The following NNMT variants were observed in gnomAD, a reference collection of about 807,000 sequenced individuals.
NNMT encodes the protein nicotinamide N-methyltransferase.
In NNMT, 10 loss-of-function variants were observed where a neutral mutation model predicts 11.7. The observed-to-expected ratio is 0.85, with a 90% CI of 0.53 to 1.45. The LOEUF (loss-of-function observed/expected upper bound fraction) is 1.45, where lower values mean the gene tolerates loss of function less well. Among genes scored for constraint, NNMT ranks in the 40% most tolerant of loss-of-function variants. NNMT has a pLI of 0.00. For missense variants in NNMT, 381 were observed against 319.4 expected, an observed-to-expected ratio of 1.19 and a Z score of -1.47; for synonymous variants, 143 against 133.8, an observed-to-expected ratio of 1.07 and a Z score of -0.48.
chr11:114,294,465 G>A (rs1945357750), upstream of NNMT, among the ~76,000 whole-genome samples: 1 of 115,298 alleles, frequency 8.7e-6, no homozygotes, highest in Non-Finnish European at 1.7e-5. Flanking sequence ...GTGACAGAGT[G>A]AGACTCCACA....
At chr11:114,296,818 C>A (rs1262425960) in intron 1 of NNMT, 108 bp downstream of exon 1, 3 of 1,056,068 alleles carry the variant, frequency 2.8e-6, no homozygotes, top group Admixed American at 4.2e-5. Context: ...GCCCTTTTGG[C>A]ATCACCCATT....
chr11:114,296,268 G>A (rs193139343), upstream of NNMT: 144 of 265,690 alleles, frequency 5.4e-4, no homozygotes, highest in African/African-American at 3.0e-3. Context: ...TTCATCCCTT[G>A]GGCAAGCATT....
upstream of NNMT, among the ~76,000 whole-genome samples, chr11:114,294,940 G>A (rs147513171): frequency 5.9e-3 from 903 of 152,252 alleles, 2 homozygotes; most frequent in Middle Eastern, 0.01. Context: ...TGGAACTTAC[G>A]CCCTGGCATA....
intron 2 of NNMT, among the ~76,000 whole-genome samples, chr11:114,282,913 G>T (rs1314894074): frequency 6.6e-6 from 1 of 152,224 alleles, no homozygotes; most frequent in Non-Finnish European, 1.5e-5. Context: ...CACTGATACT[G>T]ATATGCATGT....
At chr11:114,266,397 G>T (rs1434533626) in intron 2 of NNMT, among the ~76,000 whole-genome samples, 1 of 152,028 alleles carries the variant, frequency 6.6e-6, no homozygotes, top group African/African-American at 2.4e-5. Context: ...AAATAAACCT[G>T]CCACTGTCTA....
At chr11:114,293,473 C>T (rs560961612), upstream of NNMT, among the ~76,000 whole-genome samples, 220 of 152,044 alleles carry the variant, frequency 1.4e-3, no homozygotes, top group African/African-American at 5.2e-3. Context: ...TACAAGGGTC[C>T]CCTTTTCTCC....
intron 1 of NNMT, among the ~76,000 whole-genome samples, chr11:114,262,125 C>T (rs1330895742): frequency 2.0e-5 from 3 of 152,178 alleles, no homozygotes; most frequent in Admixed American, 6.5e-5. Context: ...GCCTAGAAAA[C>T]CCATAATGGA....
At chr11:114,295,006 A>AT (rs1945362153), upstream of NNMT, among the ~76,000 whole-genome samples, 1 of 152,220 alleles carries the variant, frequency 6.6e-6, no homozygotes. Context: ...CTTGGAAAAA[A>AT]CCGGTAGGGA....
rs1473469286 is a variant in NNMT at position 114,261,679 on chromosome 11, TG to T, written c.-216-1168del. On this transcript the variant is annotated intron_variant, in intron 1 of 4. Coordinates refer to the NNMT transcript ENST00000535401. The stretch of plus-strand genomic sequence containing the variant: ...AGGGTAGGGCTGAGTAAGGAGGGAA[TG>T]TGGTTCAGATTTGTGCCAGAGAAGA... 2.0e-5 allele frequency among the ~76,000 whole-genome samples: 3 copies of T among 152,200 alleles called. No homozygotes were observed. The East Asian group carries it at 5.8e-4, about 29-fold the overall frequency.
chr11:114,288,579 A>G (rs1945314655), intron 2 of NNMT, among the ~76,000 whole-genome samples: 1 of 152,154 alleles, frequency 6.6e-6, no homozygotes, highest in East Asian at 1.9e-4. Context: ...TGGCCATTGT[A>G]TAGCTGCTAG....
At chr11:114,273,584 A>T (rs1292695981) in intron 2 of NNMT, among the ~76,000 whole-genome samples, 1 of 152,204 alleles carries the variant, frequency 6.6e-6, no homozygotes, top group East Asian at 1.9e-4. Flanking sequence ...TCATGCCTGT[A>T]ATCCCAACAC....
chr11:114,272,669 G>A (rs1404580783), intron 2 of NNMT, among the ~76,000 whole-genome samples: 2 of 152,232 alleles, frequency 1.3e-5, no homozygotes, highest in East Asian at 3.9e-4. Flanking sequence ...CTCTCCACCT[G>A]CAGGGTGGCC....
intron 2 of NNMT, among the ~76,000 whole-genome samples, chr11:114,274,592 A>T (rs1283787625): frequency 6.6e-6 from 1 of 152,230 alleles, no homozygotes; most frequent in Non-Finnish European, 1.5e-5. Context: ...TAGAAATGGC[A>T]AGAAAGATGG....
intron 2 of NNMT, among the ~76,000 whole-genome samples, chr11:114,301,638 T>G (rs934155740): frequency 1.3e-5 from 2 of 151,918 alleles, no homozygotes; most frequent in African/African-American, 4.8e-5. Flanking sequence ...AGGTGGAGTA[T>G]AGAGGATTTT....
chr11:114,305,683 A>C (rs1397843904), intron 2 of NNMT, among the ~76,000 whole-genome samples: 1 of 151,162 alleles, frequency 6.6e-6, no homozygotes, highest in South Asian at 2.1e-4. Flanking sequence ...TGAACTCATC[A>C]TTTTTTATGG....
At chr11:114,263,708 C>T (rs1192574336) in intron 2 of NNMT, among the ~76,000 whole-genome samples, 2 of 152,200 alleles carry the variant, frequency 1.3e-5, no homozygotes, top group Non-Finnish European at 1.5e-5. Context: ...AATTTCTGCC[C>T]CAAAAGTGAA....
intron 2 of NNMT, among the ~76,000 whole-genome samples, chr11:114,301,529 A>G (rs183978564): frequency 1.6e-3 from 238 of 152,318 alleles, no homozygotes; most frequent in African/African-American, 5.2e-3. Context: ...AAAAGGCTAC[A>G]TGTATGATTC....
chr11:114,282,246 CCAAAATTGTAAA>C (rs2135258058), intron 2 of NNMT, among the ~76,000 whole-genome samples: 1 of 152,090 alleles, frequency 6.6e-6, no homozygotes, highest in South Asian at 2.1e-4. Context: ...AACAAATACC[CCAAAATTGTAAA>C]CAAATACAAA....
chr11:114,309,179 A>T (rs562403456), intron 2 of NNMT, among the ~76,000 whole-genome samples: 1 of 152,134 alleles, frequency 6.6e-6, no homozygotes, highest in African/African-American at 2.4e-5. Context: ...CTATGTGCAG[A>T]TAGGTTACTT....
Sources: allele counts gnomAD v4.1 joint callset (sites outside exome capture counted in the v4.1 genomes callset), GRCh38; gene constraint gnomAD v4.1.1; transcripts MANE v1.5; gene names NCBI Gene and HGNC (gene_info 2026-07-23, HGNC 2026-07-21).